The following XKR3 variants were observed in gnomAD, a reference collection of about 807,000 sequenced individuals.
XKR3 encodes XK-related protein 3.
XKR3 carries 27 observed loss-of-function variants against 40.3 expected under a neutral mutation model. That is an observed-to-expected ratio of 0.67 (90% confidence interval 0.49 to 0.92). The LOEUF is 0.92. Ranked by LOEUF, XKR3 falls within the 40% of genes least tolerant of loss-of-function variation. The pLI is 0.00. For missense variants in XKR3, 472 were observed against 537.6 expected (o/e 0.88, Z 1.21); for synonymous variants, 193 against 195.4 (o/e 0.99, Z 0.10).
intron 1 of XKR3, among the ~76,000 whole-genome samples, chr22:16,818,799 C>T (rs2060244076): frequency 6.6e-6 from 1 of 152,048 alleles, no homozygotes; most frequent in Admixed American, 6.5e-5. Flanking sequence ...CCAGGTCCAC[C>T]CAACAACAAT....
At chr22:16,815,473 A>G (rs1601850984) in intron 1 of XKR3, among the ~76,000 whole-genome samples, 1 of 152,076 alleles carries the variant, frequency 6.6e-6, no homozygotes, top group East Asian at 1.9e-4. Context: ...AATGAGCTGG[A>G]AAGTCTGTTA....
intron 3 of XKR3, among the ~76,000 whole-genome samples, chr22:16,791,807 G>GAGAA (rs2060119831): frequency 2.0e-5 from 1 of 48,922 alleles, no homozygotes; most frequent in African/African-American, 8.8e-5. Context: ...GAGAGAGAGA[G>GAGAA]AGAGAAAGAG....
At chr22:16,787,058 G>A (rs1316839687) in intron 3 of XKR3, among the ~76,000 whole-genome samples, 23 of 151,918 alleles carry the variant, frequency 1.5e-4, no homozygotes, top group Non-Finnish European at 2.4e-4. Context: ...TTGAAATAAT[G>A]GGAGGAAAAA....
chr22:16,797,770 G>A (rs2060148245), intron 3 of XKR3, among the ~76,000 whole-genome samples: 1 of 148,880 alleles, frequency 6.7e-6, no homozygotes, highest in Non-Finnish European at 1.5e-5. Context: ...TCCAGCCTGG[G>A]CGACAGAGTG....
intron 2 of XKR3, among the ~76,000 whole-genome samples, chr22:16,803,355 T>G (rs2060177100): frequency 6.6e-6 from 1 of 152,014 alleles, no homozygotes; most frequent in Non-Finnish European, 1.5e-5. Flanking sequence ...AAAATGATAA[T>G]ACACAACAAC....
At chr22:16,803,273 A>C (rs1188879925) in intron 2 of XKR3, among the ~76,000 whole-genome samples, 1 of 152,170 alleles carries the variant, frequency 6.6e-6, no homozygotes, top group African/African-American at 2.4e-5. Flanking sequence ...ACTGCAGACC[A>C]ATATCCTTTA....
intron 3 of XKR3, among the ~76,000 whole-genome samples, chr22:16,797,893 T>C (rs2060149275): frequency 6.8e-6 from 1 of 148,064 alleles, no homozygotes; most frequent in African/African-American, 2.5e-5. Flanking sequence ...TCAGCATAAG[T>C]CCATGTGCAG....
chr22:16,790,743 C>T (rs1327571478), intron 3 of XKR3, among the ~76,000 whole-genome samples: 2 of 151,788 alleles, frequency 1.3e-5, no homozygotes, highest in Non-Finnish European at 2.9e-5. Flanking sequence ...AAAAAATAAA[C>T]AATTCTCCGT....
intron 3 of XKR3, among the ~76,000 whole-genome samples, chr22:16,791,806 AGAGAGAAAGAG>A (rs2060119783): frequency 2.0e-5 from 1 of 49,174 alleles, no homozygotes; most frequent in African/African-American, 8.8e-5. Context: ...AGAGAGAGAG[AGAGAGAAAGAG>A]AGAGAGAGAG....
intron 3 of XKR3, among the ~76,000 whole-genome samples, chr22:16,797,546 A>G (rs1474292115): frequency 6.6e-6 from 1 of 152,132 alleles, no homozygotes; most frequent in African/African-American, 2.4e-5. Context: ...TAATCCCAGC[A>G]CTTTGGGAGG....
At chr22:16,786,503 G>A (rs1340107898) in intron 3 of XKR3, among the ~76,000 whole-genome samples, 4 of 152,106 alleles carry the variant, frequency 2.6e-5, no homozygotes, top group Non-Finnish European at 4.4e-5. Flanking sequence ...GGATGGAGTC[G>A]AGTTCCAGTC....
rs1322774413 is a variant in XKR3 at position 16,806,267 on chromosome 22, A to AAAAAAAAG, written c.335+1471_335+1472insCTTTTTTT. 5.6e-3 allele frequency among the ~76,000 whole-genome samples: 817 copies of AAAAAAAAG among 145,918 alleles called. 16 individuals are homozygous for AAAAAAAAG. The highest frequency in any genetic ancestry group is 0.02 in the African/African-American group (785 of 38,892). On this transcript the variant is annotated intron_variant, in intron 2 of 3. Transcript: ENST00000684488. The stretch of plus-strand genomic sequence containing the variant: ...AAGAATGATAGTTCATCTCAAAAAA[A>AAAAAAAAG]AAAAGAAAAAAGTCAATTAATCAAT...
At chr22:16,784,577 G>A (rs1471897727) in intron 3 of XKR3, among the ~76,000 whole-genome samples, 168 bp from the exon 4 acceptor site, 4 of 152,120 alleles carry the variant, frequency 2.6e-5, no homozygotes, top group African/African-American at 9.7e-5. Flanking sequence ...CAGGGATACA[G>A]TAAGTATAGG....
chr22:16,821,995 A>G (rs1349067446), intron 1 of XKR3, among the ~76,000 whole-genome samples: 1 of 152,134 alleles, frequency 6.6e-6, no homozygotes, highest in Non-Finnish European at 1.5e-5. Context: ...TAAATACATG[A>G]CATTCTTACT....
chr22:16,812,193 A>G (rs140737824), intron 1 of XKR3, among the ~76,000 whole-genome samples: 2 of 152,340 alleles, frequency 1.3e-5, no homozygotes, highest in East Asian at 1.9e-4. Context: ...ATTTGAGTTT[A>G]GCTCTCACTG....
rs1055361228 is a variant in XKR3, at chr22:16,806,317, A to T, written c.335+1422T>A. ...TACTTTCTTATTTAGCTCGTGAAAA[A>T]CCTTTGTAACATTTGACATCACATC... On this transcript the variant is annotated intron_variant, in intron 2 of 3. Coordinates refer to ENST00000684488, the MANE Select transcript of XKR3 (RefSeq NM_001386955.1). Among the ~76,000 whole-genome samples, 83 of 151,612 alleles carry T rather than the reference A, an allele frequency of 5.5e-4. 1 individual carries two copies. The highest frequency in any genetic ancestry group is 1.1e-3 in the Non-Finnish European group (73 of 67,904).
At chr22:16,788,186 C>T (rs2108585) in intron 3 of XKR3, among the ~76,000 whole-genome samples, 123,258 of 152,002 alleles carry the variant, frequency 0.81, 50,387 homozygotes, top group Middle Eastern at 0.97. Context: ...TTACATACTC[C>T]TGAACAACCA....
chr22:16,785,342 T>C (rs1264400416), intron 3 of XKR3, among the ~76,000 whole-genome samples: 3 of 151,042 alleles, frequency 2.0e-5, no homozygotes, highest in African/African-American at 4.9e-5. Flanking sequence ...AAAAAAGAAG[T>C]GTGTGTGTGC....
In XKR3 at chr22:16,784,353, T is replaced by A; in HGVS notation, c.646A>T (p.Ile216Leu). ...TCATTGCTGATCTGGATGGCCAGTA[T>A]ATTGCAGCGAATGGCCCCATAAGTA... ...SVTYGAIRCN[I>L]LAIQISNDDT... is the part of the protein sequence containing the mutation. Residue 216 changes from isoleucine (I) to leucine (L), a missense_variant, in exon 4 of 4, where the codon ATA (isoleucine) becomes TTA (leucine). By Grantham distance (5) the Ile-to-Leu change is conservative. Transcript: ENST00000684488. 6.2e-7 allele frequency: 1 copy of A among 1,613,566 alleles called. No homozygotes were observed. Among genetic ancestry groups the A allele is most frequent in the South Asian group, 1.1e-5 (1 of 90,888 alleles).
Sources: gnomAD v4.1 joint callset for allele counts (sites outside exome capture counted in the v4.1 genomes callset) on GRCh38, gnomAD v4.1.1 for gene constraint, MANE v1.5 for transcripts, NCBI Gene and HGNC (gene_info 2026-07-23, HGNC 2026-07-21) for gene names.